The following RNGTT variants were observed in gnomAD, a reference collection of about 807,000 sequenced individuals.
The protein encoded by RNGTT is RNA guanylyltransferase and 5'-phosphatase.
A neutral mutation model predicts 79.3 loss-of-function variants in RNGTT; 33 were observed. The ratio of observed to expected loss-of-function variants is 0.42; its 90% confidence interval spans 0.32 to 0.56. The LOEUF (loss-of-function observed/expected upper bound fraction) is 0.56. RNGTT is among the 20% of genes least tolerant of loss of function. RNGTT has a pLI of 0.17. For missense variants in RNGTT, 497 were observed against 739.1 expected (o/e 0.67, Z 3.80); for synonymous variants, 222 against 235.9 (o/e 0.94, Z 0.54).
intron 9 of RNGTT, 87 bp from the exon 10 acceptor site, chr6:88,849,913 C>T: frequency 8.1e-7 from 1 of 1,227,814 alleles, no homozygotes; most frequent in Non-Finnish European, 1.1e-6. Flanking sequence ...ACACAGTAAG[C>T]ACATAAACCA....
intron 14 of RNGTT, among the ~76,000 whole-genome samples, chr6:88,675,998 C>T (rs533351199): frequency 4.6e-5 from 7 of 152,270 alleles, no homozygotes; most frequent in Admixed American, 1.3e-4. Flanking sequence ...CTGATCTATA[C>T]ATTCAACACA....
intron 11 of RNGTT, among the ~76,000 whole-genome samples, chr6:88,835,251 G>A (rs568063369): frequency 3.0e-4 from 46 of 152,000 alleles, no homozygotes; most frequent in Non-Finnish European, 6.0e-4. Context: ...AGGGGACAGG[G>A]ACTTGCTTAT....
chr6:88,796,558 C>T (rs1779609742), intron 12 of RNGTT, among the ~76,000 whole-genome samples: 1 of 152,026 alleles, frequency 6.6e-6, no homozygotes, highest in South Asian at 2.1e-4. Context: ...GATTGGTTGT[C>T]CCTAGTAGAA....
At chr6:88,736,643 A>T (rs772943051) in intron 13 of RNGTT, among the ~76,000 whole-genome samples, 32 of 152,202 alleles carry the variant, frequency 2.1e-4, no homozygotes, top group Non-Finnish European at 4.0e-4. Context: ...GATGTGGCAA[A>T]TTCTGTCTGT....
chr6:88,831,022 G>A (rs1780844514), intron 11 of RNGTT, among the ~76,000 whole-genome samples: 1 of 152,144 alleles, frequency 6.6e-6, no homozygotes, highest in Non-Finnish European at 1.5e-5. Flanking sequence ...AAGAGGAGCT[G>A]GTACCATTCC....
chr6:88,847,296 T>C (rs188338613), intron 10 of RNGTT, among the ~76,000 whole-genome samples: 23 of 152,274 alleles, frequency 1.5e-4, no homozygotes, highest in Admixed American at 7.2e-4. Flanking sequence ...TCATTCATCT[T>C]TGTATACCCA....
At chr6:88,687,702 T>C (rs1319047433) in intron 13 of RNGTT, among the ~76,000 whole-genome samples, 2 of 141,552 alleles carry the variant, frequency 1.4e-5, no homozygotes, top group South Asian at 2.2e-4. Context: ...TAGTATGCTA[T>C]CCTTTGGTAA....
At chr6:88,948,474 T>G in intron 1 of RNGTT, among the ~76,000 whole-genome samples, 1 of 119,708 alleles carries the variant, frequency 8.4e-6, no homozygotes, top group Admixed American at 8.0e-5. Flanking sequence ...AGCCGCCCCG[T>G]CCGGGAGGGA....
chr6:88,635,599 T>C (rs1398819430), intron 14 of RNGTT, among the ~76,000 whole-genome samples: 2 of 152,086 alleles, frequency 1.3e-5, no homozygotes, highest in Non-Finnish European at 2.9e-5. Context: ...ATCATTTGTA[T>C]GTATGTGATT....
intron 14 of RNGTT, among the ~76,000 whole-genome samples, chr6:88,660,041 T>C (rs1001384125): frequency 6.6e-6 from 1 of 152,200 alleles, no homozygotes; most frequent in African/African-American, 2.4e-5. Context: ...AAAGTTTGTA[T>C]CCAGCAAAAT....
intron 14 of RNGTT, among the ~76,000 whole-genome samples, chr6:88,668,637 G>T (rs1043634097): frequency 1.6e-4 from 25 of 152,182 alleles, no homozygotes. Context: ...GTGTAGCCCA[G>T]GGAATGACCA....
chr6:88,881,302 G>C (rs538982056), intron 8 of RNGTT, among the ~76,000 whole-genome samples: 1 of 152,270 alleles, frequency 6.6e-6, no homozygotes, highest in South Asian at 2.1e-4. Context: ...CTCTGAAAGT[G>C]GGGGCAGGGG....
intron 12 of RNGTT, among the ~76,000 whole-genome samples, chr6:88,799,631 C>G (rs1779717955): frequency 7.1e-6 from 1 of 140,592 alleles, no homozygotes. Flanking sequence ...GCCCAGAAGG[C>G]AGAGGTTGCA....
At chr6:88,729,005 G>A (rs188798311) in intron 13 of RNGTT, among the ~76,000 whole-genome samples, 1 of 152,266 alleles carries the variant, frequency 6.6e-6, no homozygotes, top group African/African-American at 2.4e-5. Flanking sequence ...CAGTCGACCG[G>A]GCGTGGGCTG....
intron 13 of RNGTT, among the ~76,000 whole-genome samples, chr6:88,729,388 GAAAAA>G (rs59571346): frequency 1.3e-5 from 1 of 79,726 alleles, no homozygotes; most frequent in South Asian, 4.7e-4. Flanking sequence ...ACCAGAAAAA[GAAAAA>G]AAAAAAAAAA....
chr6:88,817,265 T>C (rs1026991474), intron 11 of RNGTT, among the ~76,000 whole-genome samples: 3 of 152,130 alleles, frequency 2.0e-5, no homozygotes, highest in African/African-American at 4.8e-5. Flanking sequence ...GGTACAGTTA[T>C]CTCACTTCAG....
chr6:88,948,459 C>T (rs1468293308), intron 1 of RNGTT, among the ~76,000 whole-genome samples: 37 of 135,532 alleles, frequency 2.7e-4, no homozygotes, highest in South Asian at 7.5e-4. Context: ...CCCCTCTGCC[C>T]GGCCAGCCGC....
chr6:88,682,602 T>A (rs903719268), intron 13 of RNGTT, among the ~76,000 whole-genome samples: 4 of 152,188 alleles, frequency 2.6e-5, no homozygotes, highest in Non-Finnish European at 5.9e-5. Context: ...TTCCAACTTT[T>A]ATTTTAAGTT....
At position 88,712,586 on chromosome 6, in the gene RNGTT, G is replaced by T. The variant is rs142375804; in HGVS notation, c.1440-34167C>A. 4.8e-3 allele frequency among the ~76,000 whole-genome samples: 725 copies of T among 152,314 alleles called. 11 individuals carry two copies. Among genetic ancestry groups the T allele is most frequent in the East Asian group, 0.03 (157 of 5,182 alleles). ...CTTGGCCTCCCAAAATGCTAGGACT[G>T]TAAGCACAAGCTGGTGTGCCTGATA... On this transcript the variant is annotated intron_variant, in intron 13 of 15. Coordinates refer to ENST00000369485, the MANE Select transcript of RNGTT (RefSeq NM_003800.5).
Sources: allele counts gnomAD v4.1 joint callset (sites outside exome capture counted in the v4.1 genomes callset), GRCh38; gene constraint gnomAD v4.1.1; transcripts MANE v1.5; gene names NCBI Gene and HGNC (gene_info 2026-07-23, HGNC 2026-07-21).